The following PDGFD variants were observed in gnomAD, a reference collection of about 807,000 sequenced individuals.
The protein encoded by PDGFD is platelet-derived growth factor D.
A neutral mutation model predicts 44.7 loss-of-function variants in PDGFD; 30 were observed. The ratio of observed to expected loss-of-function variants is 0.67; its 90% CI spans 0.50 to 0.91. PDGFD has a LOEUF of 0.91. PDGFD is among the 40% of genes least tolerant of loss of function. PDGFD has a pLI of 0.00. For synonymous variants in PDGFD, 173 were observed against 168.4 expected (o/e 1.03, Z -0.21); for missense variants, 445 against 457.8 (o/e 0.97, Z 0.25).
At chr11:104,081,415 A>C (rs1022072180) in intron 1 of PDGFD, among the ~76,000 whole-genome samples, 1 of 152,176 alleles carries the variant, frequency 6.6e-6, no homozygotes, top group Non-Finnish European at 1.5e-5. Flanking sequence ...ACAAACTGAA[A>C]TATTTTCTGA....
rs550715760 is a variant in PDGFD at position 104,159,228 on chromosome 11, T to C, written c.124+4576A>G. On this transcript the variant is annotated intron_variant, in intron 1 of 6. Transcript: ENST00000393158. ...AAGGCAGTTAAGATCAAGTAAAGAA[T>C]GATCTGAAAAGAGAGAGCCTTGAAA... Among the ~76,000 whole-genome samples the C allele has an allele frequency of 6.0e-5, 9 of 151,032 alleles. No individual in the cohort carries two copies. In the South Asian group the frequency reaches 1.7e-3, roughly 28 times the overall value.
At chr11:103,936,823 GTTTTTTGT>G (rs1858495316) in intron 5 of PDGFD, among the ~76,000 whole-genome samples, 1 of 138,990 alleles carries the variant, frequency 7.2e-6, no homozygotes, top group African/African-American at 3.3e-5. Context: ...TTGTTTGTTT[GTTTTTTGT>G]TTTTTTTTTT....
intron 1 of PDGFD, among the ~76,000 whole-genome samples, chr11:104,076,793 CCCT>C (rs1166893597): frequency 1.3e-5 from 2 of 152,174 alleles, no homozygotes; most frequent in Admixed American, 6.5e-5. Flanking sequence ...CAAGACCAAG[CCCT>C]TCTCTTTCTT....
At chr11:104,072,005 T>G (rs1860885038) in intron 1 of PDGFD, among the ~76,000 whole-genome samples, 1 of 151,976 alleles carries the variant, frequency 6.6e-6, no homozygotes, top group Non-Finnish European at 1.5e-5. Flanking sequence ...TATTTTAATG[T>G]CTGGCAGGGA....
At chr11:103,952,837 T>C (rs1251527183) in intron 3 of PDGFD, among the ~76,000 whole-genome samples, 1 of 152,220 alleles carries the variant, frequency 6.6e-6, no homozygotes, top group Non-Finnish European at 1.5e-5. Context: ...ATTTTGGCAG[T>C]GAAACTAATC....
chr11:104,084,884 T>C (rs1316909906), intron 1 of PDGFD, among the ~76,000 whole-genome samples: 4 of 129,108 alleles, frequency 3.1e-5, no homozygotes, highest in Admixed American at 8.0e-5. Context: ...ATATAATGAA[T>C]ATAAAACATG....
intron 1 of PDGFD, among the ~76,000 whole-genome samples, chr11:104,154,011 A>G (rs1219233908): frequency 1.3e-5 from 2 of 152,158 alleles, no homozygotes; most frequent in African/African-American, 4.8e-5. Context: ...GTATCCAACA[A>G]TATAAGGGAA....
At chr11:104,096,252 T>C (rs1250101735) in intron 1 of PDGFD, among the ~76,000 whole-genome samples, 1 of 149,096 alleles carries the variant, frequency 6.7e-6, no homozygotes, top group African/African-American at 2.5e-5. Context: ...AAAAAAAAAC[T>C]ACAAAAAAGT....
intron 1 of PDGFD, among the ~76,000 whole-genome samples, chr11:104,153,062 G>C (rs1194957305): frequency 3.3e-5 from 5 of 152,064 alleles, no homozygotes; most frequent in Non-Finnish European, 5.9e-5. Context: ...AGCTCCTAAA[G>C]CTTAAAGTGT....
intron 1 of PDGFD, among the ~76,000 whole-genome samples, chr11:104,158,756 C>T (rs2119928929): frequency 6.6e-6 from 1 of 151,950 alleles, no homozygotes; most frequent in South Asian, 2.1e-4. Context: ...TGGCGTGAAC[C>T]GGGAGGTGGA....
At chr11:103,938,657 G>A (rs1241277728) in intron 5 of PDGFD, among the ~76,000 whole-genome samples, 1 of 152,016 alleles carries the variant, frequency 6.6e-6, no homozygotes, top group East Asian at 1.9e-4. Flanking sequence ...GGTATTGCCT[G>A]GGTTTTCTTC....
intron 1 of PDGFD, among the ~76,000 whole-genome samples, chr11:104,024,777 T>C (rs935409848): frequency 2.6e-5 from 4 of 152,222 alleles, no homozygotes; most frequent in Non-Finnish European, 2.9e-5. Flanking sequence ...AGCAATGAGA[T>C]AGATACATAG....
At chr11:104,163,760 A>T in intron 1 of PDGFD, 44 bp downstream of exon 1, 1 of 1,500,090 alleles carries the variant, frequency 6.7e-7, no homozygotes, top group East Asian at 2.3e-5. Flanking sequence ...AACAATAGCA[A>T]ACATGATTTT....
At chr11:103,943,763 T>G in intron 4 of PDGFD, 113 bp from the exon 5 acceptor site, 1 of 797,454 alleles carries the variant, frequency 1.3e-6, no homozygotes, top group Admixed American at 2.4e-5. Flanking sequence ...TAAGACATCA[T>G]ACGTTTGAAT....
In PDGFD at chr11:104,163,948, C is replaced by A. The variant is rs1395210648; in HGVS notation, c.-21G>T. 4 of 1,516,178 alleles carry A rather than the reference C, an allele frequency of 2.6e-6. No individual in the cohort carries two copies. In the East Asian group the frequency reaches 9.4e-5, roughly 36 times the overall value. The allele number at this position is 1,516,178 out of a possible 1,614,324, so 93.9% of individuals were successfully genotyped here. On this transcript the variant is annotated 5_prime_UTR_variant, in exon 1 of 7. Transcript: ENST00000393158. ...TGCATTTGGGATCAGCGACTAGAGA[C>A]AGCGTCGCTCCAAGAAAAAGCCGGG...
chr11:104,043,317 G>A (rs1161838580), intron 1 of PDGFD, among the ~76,000 whole-genome samples: 1 of 152,094 alleles, frequency 6.6e-6, no homozygotes, highest in Non-Finnish European at 1.5e-5. Context: ...GTGCTAAACT[G>A]GTGTTGAGAG....
At chr11:104,015,240 T>A (rs1262054557) in intron 1 of PDGFD, among the ~76,000 whole-genome samples, 1 of 152,246 alleles carries the variant, frequency 6.6e-6, no homozygotes, top group Non-Finnish European at 1.5e-5. Flanking sequence ...TAGCTAGAGT[T>A]AGTAATCTTC....
At chr11:103,990,063 C>G (rs1859427253) in intron 3 of PDGFD, among the ~76,000 whole-genome samples, 1 of 152,136 alleles carries the variant, frequency 6.6e-6, no homozygotes. Context: ...GCTACCTTAT[C>G]CCATCTAAGT....
At chr11:103,936,073 A>G (rs1263669630) in intron 5 of PDGFD, among the ~76,000 whole-genome samples, 1 of 152,198 alleles carries the variant, frequency 6.6e-6, no homozygotes, top group Non-Finnish European at 1.5e-5. Flanking sequence ...CAAATATACC[A>G]CATGGTTCAG....
Sources: allele counts gnomAD v4.1 joint callset (sites outside exome capture counted in the v4.1 genomes callset), GRCh38; gene constraint gnomAD v4.1.1; transcripts MANE v1.5; gene names NCBI Gene and HGNC (gene_info 2026-07-23, HGNC 2026-07-21).